Variants in SORT1 observed in about 807,000 individuals in gnomAD.
SORT1 encodes sortilin.
SORT1 carries 39 observed loss-of-function variants against 101.7 expected under a neutral mutation model. The observed-to-expected ratio is 0.38, with a 90% CI of 0.30 to 0.50. SORT1 has a LOEUF of 0.50. Among genes scored for constraint, SORT1 ranks in the 20% least tolerant of loss-of-function variants. The pLI is 0.90. For synonymous variants in SORT1, 396 were observed against 393.7 expected (o/e 1.01, Z -0.07); for missense variants, 878 against 1,040.4 (o/e 0.84, Z 2.15).
chr1:109,392,434 T>A (rs1652970798), intron 1 of SORT1, among the ~76,000 whole-genome samples: 1 of 152,230 alleles, frequency 6.6e-6, no homozygotes, highest in African/African-American at 2.4e-5. Flanking sequence ...GAAAGCCTAT[T>A]ATTGTTGTTA....
chr1:109,325,180 A>G (rs1647906153), intron 13 of SORT1, 91 bp from the exon 14 acceptor site: 1 of 677,278 alleles, frequency 1.5e-6, no homozygotes, highest in Non-Finnish European at 2.4e-6. Flanking sequence ...CCCAAACCAG[A>G]CAAAACCCCT....
chr1:109,355,646 C>CT, intron 3 of SORT1, among the ~76,000 whole-genome samples, 177 bp from the exon 4 acceptor site: 1 of 81,388 alleles, frequency 1.2e-5, no homozygotes, highest in South Asian at 5.7e-4. Context: ...ATTCCACCCG[C>CT]CCCCCCCCCC....
At chr1:109,348,677 G>C (rs1387877959) in intron 6 of SORT1, among the ~76,000 whole-genome samples, 1 of 151,848 alleles carries the variant, frequency 6.6e-6, no homozygotes, top group Non-Finnish European at 1.5e-5. Context: ...ATTTTTTGTA[G>C]AGATGGGGTC....
rs748881374 is a variant in SORT1, at chr1:109,317,842, G to A, written c.2141+11C>T. 6 of 1,550,738 alleles carry A rather than the reference G, an allele frequency of 3.9e-6. No individual in the cohort carries two copies. The South Asian group carries it at 6.7e-5, about 17-fold the overall frequency. ...TCATCCATCGTGACAAGGGAGAAAA[G>A]GCCACCTCACCCATTTGTTGTTAGG... On this transcript the variant is annotated intron_variant, in intron 16 of 19. Coordinates refer to ENST00000256637, the MANE Select transcript of SORT1 (RefSeq NM_002959.7).
intron 8 of SORT1, among the ~76,000 whole-genome samples, chr1:109,342,502 C>T (rs1050051708): frequency 6.6e-6 from 1 of 152,186 alleles, no homozygotes; most frequent in African/African-American, 2.4e-5. Flanking sequence ...GGCTTTATAG[C>T]CATTTGCATA....
intron 13 of SORT1, among the ~76,000 whole-genome samples, chr1:109,325,928 G>A (rs1276721854): frequency 6.6e-6 from 1 of 152,082 alleles, no homozygotes; most frequent in Non-Finnish European, 1.5e-5. Context: ...TTGAACCTGG[G>A]AGGCAGAGGT....
At position 109,311,172 on chromosome 1, in the gene SORT1, C is replaced by CA. The variant is rs1403914244; in HGVS notation, c.*2870dup. On this transcript the variant is annotated 3_prime_UTR_variant, in exon 20 of 20. Transcript: ENST00000256637. The stretch of plus-strand genomic sequence containing the variant: ...TGTGGTCTCACTAAAGCCCAATGCC[C>CA]AATTAGGTCCAGAGAAGAAAGAAGA... 2 of 152,176 alleles carry CA rather than the reference C, an allele frequency of 1.3e-5. No homozygotes were observed. The highest frequency in any genetic ancestry group is 4.8e-5 in the African/African-American group (2 of 41,432). The allele number at this position is 152,176 out of a possible 1,614,324, so 9.4% of individuals were successfully genotyped here. A position where few individuals can be genotyped will look rare whatever the true frequency, so the allele number is the denominator to read the frequency against.
intron 1 of SORT1, among the ~76,000 whole-genome samples, chr1:109,382,896 C>A (rs1652331148): frequency 6.6e-6 from 1 of 152,154 alleles, no homozygotes; most frequent in Admixed American, 6.6e-5. Flanking sequence ...AGGGGGCCCC[C>A]ATACTTTAGA....
intron 3 of SORT1, chr1:109,367,046 G>C (rs1012527536): frequency 5.9e-6 from 1 of 168,148 alleles, no homozygotes; most frequent in Non-Finnish European, 1.3e-5. Flanking sequence ...GGCAACATGG[G>C]GAAACCCTGT....
At chr1:109,392,773 G>T (rs150217072) in intron 1 of SORT1, 3 of 984,132 alleles carry the variant, frequency 3.0e-6, no homozygotes, top group Non-Finnish European at 1.2e-6. Context: ...CCCTCTAGGG[G>T]CTAAAGGTCT....
chr1:109,397,470 G>T, intron 1 of SORT1, 117 bp downstream of exon 1: 2 of 690,832 alleles, frequency 2.9e-6, no homozygotes, highest in Non-Finnish European at 3.6e-6. Flanking sequence ...GCGGCCCGGG[G>T]GACGCGGGCG....
intron 8 of SORT1, among the ~76,000 whole-genome samples, chr1:109,344,249 G>A (rs1649432642): frequency 1.3e-5 from 2 of 152,074 alleles, no homozygotes; most frequent in African/African-American, 2.4e-5. Context: ...GCTTCTGCGC[G>A]TGCCCCTGTC....
In SORT1 at chr1:109,317,999, C is replaced by G. The variant is rs372874714; in HGVS notation, c.2025-30G>C. The G allele has an allele frequency of 1.3e-5, 19 of 1,423,434 alleles. No homozygotes were observed. The Admixed American group carries it at 1.7e-4, about 13-fold the overall frequency. 88.2% of individuals were successfully genotyped at this position (1,423,434 alleles called of 1,614,324 possible). A position where few individuals can be genotyped will look rare whatever the true frequency, so the allele number is the denominator to read the frequency against. On this transcript the variant is annotated intron_variant, in intron 15 of 19. Transcript: ENST00000256637. The stretch of plus-strand genomic sequence containing the variant: ...AAGAGTCAGCAAATAAAGTACCTTT[C>G]AAAGCAGCTGGAAGACCGTTAAGTG...
chr1:109,350,785 G>A (rs1649908616), intron 6 of SORT1, 144 bp downstream of exon 6: 1 of 657,426 alleles, frequency 1.5e-6, no homozygotes, highest in Non-Finnish European at 2.8e-6. Context: ...CAAGGCCTGT[G>A]TCACACCCCT....
chr1:109,334,250 G>A (rs1648659390), intron 11 of SORT1, among the ~76,000 whole-genome samples: 1 of 152,150 alleles, frequency 6.6e-6, no homozygotes, highest in Admixed American at 6.5e-5. Context: ...AGATATCTGT[G>A]CTCCCATGTC....
intron 13 of SORT1, among the ~76,000 whole-genome samples, chr1:109,325,382 CA>C (rs2101546819): frequency 6.6e-6 from 1 of 151,876 alleles, no homozygotes; most frequent in South Asian, 2.1e-4. Flanking sequence ...GCTGGGATTA[CA>C]GGAACGTGCC....
intron 15 of SORT1, among the ~76,000 whole-genome samples, chr1:109,319,556 C>T (rs554327242): frequency 6.6e-6 from 1 of 152,114 alleles, no homozygotes; most frequent in Non-Finnish European, 1.5e-5. Flanking sequence ...GGCTTTGACC[C>T]CTTCTGCAAC....
chr1:109,393,861 A>G (rs1653043744), intron 1 of SORT1, among the ~76,000 whole-genome samples: 1 of 151,746 alleles, frequency 6.6e-6, no homozygotes, highest in Non-Finnish European at 1.5e-5. Flanking sequence ...ATTATGTAAT[A>G]CAAATATATA....
At chr1:109,386,211 C>T (rs1652559434) in intron 1 of SORT1, among the ~76,000 whole-genome samples, 1 of 152,206 alleles carries the variant, frequency 6.6e-6, no homozygotes. Context: ...CTACACATTT[C>T]ATGACTACTC....
Sources: allele counts gnomAD v4.1 joint callset (sites outside exome capture counted in the v4.1 genomes callset), GRCh38; gene constraint gnomAD v4.1.1; transcripts MANE v1.5; gene names NCBI Gene and HGNC (gene_info 2026-07-23, HGNC 2026-07-21).